The following MACROD2 variants were observed in gnomAD, a reference collection of about 807,000 sequenced individuals.
The protein encoded by MACROD2 is mono-ADP ribosylhydrolase 2.
Under a neutral mutation model 70.4 loss-of-function variants are expected in MACROD2, and 36 were observed. That is an observed-to-expected ratio of 0.51 (90% CI 0.39 to 0.68). The LOEUF (loss-of-function observed/expected upper bound fraction) is 0.68. MACROD2 is among the 30% of genes least tolerant of loss of function. The pLI is 0.00. For synonymous variants in MACROD2, 172 were observed against 178.8 expected, an observed-to-expected ratio of 0.96 and a Z score of 0.30; for missense variants, 496 against 538.4, an observed-to-expected ratio of 0.92 and a Z score of 0.78.
At chr20:16,033,871 A>G (rs1180903000) in intron 15 of MACROD2, among the ~76,000 whole-genome samples, 2 of 151,754 alleles carry the variant, frequency 1.3e-5, no homozygotes, top group African/African-American at 4.8e-5. Context: ...GTGGGGGAGA[A>G]AGAGAAAGGG....
At chr20:15,480,496 T>G (rs926507030) in intron 7 of MACROD2, among the ~76,000 whole-genome samples, 1 of 152,182 alleles carries the variant, frequency 6.6e-6, no homozygotes, top group Non-Finnish European at 1.5e-5. Flanking sequence ...AGGGTTGTTT[T>G]ATAATAGCAC....
intron 2 of MACROD2, among the ~76,000 whole-genome samples, chr20:14,004,654 G>A (rs2052786787): frequency 6.6e-6 from 1 of 151,990 alleles, no homozygotes; most frequent in Admixed American, 6.5e-5. Context: ...TGTTTTAACA[G>A]TTTAAAAATC....
rs1243946489 is a variant in MACROD2 at position 15,520,037 on chromosome 20, C to T, written c.645+20190C>T. Among the ~76,000 whole-genome samples, 3 of 152,168 alleles carry T rather than the reference C, an allele frequency of 2.0e-5. No homozygotes were observed. In the East Asian group the frequency reaches 5.8e-4, roughly 29 times the overall value. ...GGAAGCGGCGAGAATAAAAGAAGCACTGCAATCAATTCCAACAAATAAAAT... is the reference window on the plus strand; with the variant it reads ...GGAAGCGGCGAGAATAAAAGAAGCATTGCAATCAATTCCAACAAATAAAAT... On this transcript the variant is annotated intron_variant, in intron 8 of 17. Transcript: ENST00000684519.
intron 4 of MACROD2, among the ~76,000 whole-genome samples, chr20:14,633,410 A>G (rs553876175): frequency 6.6e-6 from 1 of 152,194 alleles, no homozygotes; most frequent in East Asian, 1.9e-4. Flanking sequence ...ATCTTCTTCA[A>G]AGGAAATTGA....
intron 5 of MACROD2, among the ~76,000 whole-genome samples, chr20:14,936,230 G>A (rs1423798380): frequency 1.3e-5 from 2 of 152,292 alleles, no homozygotes; most frequent in Non-Finnish European, 2.9e-5. Context: ...GGTCAAGAAG[G>A]AGCCAGCCTT....
At chr20:14,397,151 C>T (rs1163282033) in intron 3 of MACROD2, among the ~76,000 whole-genome samples, 8 of 151,620 alleles carry the variant, frequency 5.3e-5, no homozygotes, top group African/African-American at 1.2e-4. Flanking sequence ...TGTGCCACCA[C>T]ACCTGGGTAA....
chr20:14,212,796 C>G (rs1158231505), intron 3 of MACROD2, among the ~76,000 whole-genome samples: 1 of 151,284 alleles, frequency 6.6e-6, no homozygotes, highest in Non-Finnish European at 1.5e-5. Context: ...ATAGTAAGAG[C>G]TTGAGTGTTT....
intron 5 of MACROD2, among the ~76,000 whole-genome samples, chr20:14,934,558 G>A (rs191841549): frequency 4.6e-5 from 7 of 152,172 alleles, no homozygotes; most frequent in Admixed American, 1.3e-4. Context: ...AGGCTGAGGC[G>A]GGTCGATCAC....
intron 10 of MACROD2, among the ~76,000 whole-genome samples, chr20:15,922,244 A>T (rs2147292612): frequency 6.6e-6 from 1 of 152,350 alleles, no homozygotes. Flanking sequence ...TCTCTAGAGC[A>T]GCACTGTTCA....
chr20:14,039,273 A>G (rs1014481947), intron 2 of MACROD2, among the ~76,000 whole-genome samples: 1 of 151,966 alleles, frequency 6.6e-6, no homozygotes, highest in African/African-American at 2.4e-5. Flanking sequence ...ATTCCATGGA[A>G]AACTTTTAGG....
At chr20:14,977,460 G>GATAC (rs1216607682) in intron 5 of MACROD2, among the ~76,000 whole-genome samples, 1 of 125,252 alleles carries the variant, frequency 8.0e-6, no homozygotes, top group African/African-American at 3.5e-5. Flanking sequence ...AAAAGAAAAA[G>GATAC]ATACACACAC....
At chr20:14,675,277 G>A (rs1486929454) in intron 4 of MACROD2, among the ~76,000 whole-genome samples, 1 of 152,042 alleles carries the variant, frequency 6.6e-6, no homozygotes, top group African/African-American at 2.4e-5. Flanking sequence ...TTGAAATGAA[G>A]GAAAAAATAT....
At chr20:15,147,481 A>C (rs2076238828) in intron 5 of MACROD2, among the ~76,000 whole-genome samples, 1 of 151,506 alleles carries the variant, frequency 6.6e-6, no homozygotes, top group African/African-American at 2.4e-5. Context: ...ATAAGCAAAT[A>C]GCTATTATCA....
intron 3 of MACROD2, among the ~76,000 whole-genome samples, chr20:14,142,019 A>C (rs1378749463): frequency 1.3e-5 from 2 of 152,136 alleles, no homozygotes; most frequent in African/African-American, 4.8e-5. Context: ...AAATATTCCC[A>C]ATGTGAAATT....
chr20:14,039,347 A>G lies in MACROD2; in HGVS notation c.163+36943A>G, dbSNP rs192565667. On this transcript the variant is annotated intron_variant, in intron 2 of 17. Transcript: ENST00000684519. ...AAGTTGTGAAATTGGTGAACCTGCCATACCAAAATGGTAAACAAAAACAAA... is the reference window on the plus strand; with the variant it reads ...AAGTTGTGAAATTGGTGAACCTGCCGTACCAAAATGGTAAACAAAAACAAA... Among the ~76,000 whole-genome samples, 17 of 152,308 alleles carry G rather than the reference A, an allele frequency of 1.1e-4. No homozygotes were observed. In the East Asian group the frequency reaches 3.3e-3, roughly 29 times the overall value.
chr20:14,106,685 G>T (rs936183156), intron 3 of MACROD2, among the ~76,000 whole-genome samples: 6 of 152,166 alleles, frequency 3.9e-5, no homozygotes, highest in African/African-American at 1.4e-4. Context: ...TGGTCACAAG[G>T]ATATGTGTGT....
intron 10 of MACROD2, among the ~76,000 whole-genome samples, chr20:15,922,484 A>G (rs184865204): frequency 6.6e-6 from 1 of 152,332 alleles, no homozygotes; most frequent in Admixed American, 6.5e-5. Flanking sequence ...GCACATCTCA[A>G]TGTGGACTTG....
chr20:14,102,952 G>A (rs772024488), intron 3 of MACROD2, among the ~76,000 whole-genome samples: 2 of 152,100 alleles, frequency 1.3e-5, no homozygotes, highest in Non-Finnish European at 2.9e-5. Context: ...ACAGAAAACA[G>A]CATTTCTATG....
At chr20:15,732,696 A>C (rs770815776) in intron 8 of MACROD2, among the ~76,000 whole-genome samples, 3 of 150,740 alleles carry the variant, frequency 2.0e-5, no homozygotes, top group African/African-American at 7.3e-5. Flanking sequence ...ATTGGACTCT[A>C]TTTGCTAATA....
Sources: allele counts gnomAD v4.1 joint callset (sites outside exome capture counted in the v4.1 genomes callset), GRCh38; gene constraint gnomAD v4.1.1; transcripts MANE v1.5; gene names NCBI Gene and HGNC (gene_info 2026-07-23, HGNC 2026-07-21).